Variants in ACP2 observed in about 807,000 individuals in gnomAD.
The protein encoded by ACP2 is acid phosphatase 2, lysosomal.
A neutral mutation model predicts 54.7 loss-of-function variants in ACP2; 35 were observed. That is an observed-to-expected ratio of 0.64 (90% CI 0.49 to 0.85). The LOEUF (loss-of-function observed/expected upper bound fraction) is 0.85, where lower values mean the gene tolerates loss of function less well. Ranked by LOEUF, ACP2 falls within the 40% of genes least tolerant of loss-of-function variation. ACP2 has a pLI of 0.00. For synonymous variants in ACP2, 210 were observed against 224.4 expected (o/e 0.94, Z 0.57); for missense variants, 492 against 565.0 (o/e 0.87, Z 1.31).
chr11:47,245,793 A>G lies in ACP2; in HGVS notation c.339T>C (p.Ser113=), dbSNP rs763439749. Residue 113 remains serine (S), a synonymous_variant, in exon 4 of 11, where the codon AGT becomes AGC. Coordinates refer to ENST00000672073, the MANE Select transcript of ACP2 (RefSeq NM_001610.4). ...AGAGTCCAGCCAGGTTGGCCTCAGC[A>G]CTCATGAGAGTCCGGTCAAAGTCTG... ...RSTDFDRTLM[S]AEANLAGLFP... is the part of the protein sequence containing the mutation. 14 of 1,600,934 alleles carry G rather than the reference A, an allele frequency of 8.7e-6. No individual in the cohort carries two copies. Among genetic ancestry groups the G allele is most frequent in the Non-Finnish European group, 1.2e-5 (14 of 1,174,394 alleles).
rs777123406 is a variant in ACP2 at position 47,240,185 on chromosome 11, G to A, written c.1203C>T (p.Thr401=). The change falls in exon 11 of 11, where the codon ACC becomes ACT. Residue 401 remains threonine (T), a synonymous_variant. Transcript: ENST00000672073. ...ILFLLIVLLL[T]VLFRMQAQPP... ...GCTGGGCCTGCATCCGGAAGAGGAC[G>A]GTGAGGAGCAGCACTATGAGGAGGA... 81 of 1,614,020 alleles carry A rather than the reference G, an allele frequency of 5.0e-5. No individual in the cohort carries two copies. Among genetic ancestry groups the A allele is most frequent in the South Asian group, 1.6e-4 (15 of 91,090 alleles).
In ACP2 at chr11:47,245,409, T is replaced by A. The variant is rs757842561; in HGVS notation, c.550-15A>T. 1 of 1,614,144 alleles carries A rather than the reference T, an allele frequency of 6.2e-7. No individual in the cohort carries two copies. The highest frequency in any genetic ancestry group is 8.5e-7 in the Non-Finnish European group (1 of 1,180,034). On this transcript the variant is annotated splice_polypyrimidine_tract_variant and intron_variant, in intron 5 of 10. Transcript: ENST00000672073. Reference sequence around the variant, plus strand: ...TCCAGAAATTGCTATGAAAAATGGATCAGGGTCTCAGTCCTGCTCTGGGGA... The same window carrying A: ...TCCAGAAATTGCTATGAAAAATGGAACAGGGTCTCAGTCCTGCTCTGGGGA...
chr11:47,248,205 C>T, intron 1 of ACP2, 72 bp from the exon 2 acceptor site: 2 of 1,428,074 alleles, frequency 1.4e-6, no homozygotes, highest in Admixed American at 2.3e-5. Flanking sequence ...CTACCTTTTG[C>T]CCCATGTTAG....
In ACP2 at chr11:47,243,290, C is replaced by T; in HGVS notation, c.804G>A (p.Leu268=). 1 of 1,614,192 alleles carries T rather than the reference C, an allele frequency of 6.2e-7. No individual in the cohort carries two copies. Among genetic ancestry groups the T allele is most frequent in the Non-Finnish European group, 8.5e-7 (1 of 1,180,032 alleles). The change falls in exon 8 of 11, where the codon CTG becomes CTA. Residue 268 remains leucine, a synonymous_variant. Transcript: ENST00000672073. The part of the protein sequence containing the change: ...GVLLAQIRKN[L]TLMATTSQLP... ...GCTGGGAGGTGGTCGCCATTAGGGT[C>T]AGGTTCTTCCTTATCTGAGCCAGCA...
Position 47,239,995 on chromosome 11 carries a change from G to T in ACP2, c.*121C>A. ...GAGCCCCACTCGCTCATCTGGCTGG[G>T]GTCATCAGAGGGAGGCCCAACCCAG... On this transcript the variant is annotated 3_prime_UTR_variant, in exon 11 of 11. Coordinates refer to ENST00000672073, the MANE Select transcript of ACP2 (RefSeq NM_001610.4). The T allele has an allele frequency of 9.3e-7, 1 of 1,069,586 alleles. No individual in the cohort carries two copies. Among genetic ancestry groups the T allele is most frequent in the Non-Finnish European group, 1.3e-6 (1 of 742,156 alleles). 66.3% of individuals were successfully genotyped at this position (1,069,586 alleles called of 1,614,324 possible).
Position 47,240,070 on chromosome 11 carries a change from C to T in ACP2, c.*46G>A. The T allele has an allele frequency of 6.3e-7, 1 of 1,587,526 alleles. No homozygotes were observed. On this transcript the variant is annotated 3_prime_UTR_variant, in exon 11 of 11. Coordinates refer to ENST00000672073, the MANE Select transcript of ACP2 (RefSeq NM_001610.4). ...GCAGCAACAGTCAGGAGCGAGGGCC[C>T]AGCCCACCTCCCCTAGGAGGTGGAG...
intron 1 of ACP2, 101 bp downstream of exon 1, chr11:47,248,575 C>T (rs535810231): frequency 6.4e-7 from 1 of 1,551,888 alleles, no homozygotes; most frequent in East Asian, 2.4e-5. Flanking sequence ...CAGTCGTCCC[C>T]TCCTAAACCA....
chr11:47,248,244 C>A (rs1288215921), intron 1 of ACP2, 111 bp from the exon 2 acceptor site: 3 of 1,189,602 alleles, frequency 2.5e-6, no homozygotes, highest in East Asian at 2.4e-5. Flanking sequence ...CTCTGGGAAG[C>A]CTACTGGCTG....
In ACP2 at chr11:47,248,034, C is replaced by A; in HGVS notation, c.210+4G>T. The A allele has an allele frequency of 6.3e-7, 1 of 1,590,488 alleles. No individual in the cohort carries two copies. On this transcript the variant is annotated splice_donor_region_variant and intron_variant, in intron 2 of 10. Transcript: ENST00000672073. ...TCCTGAGGAAAGGCTGGCTTCTGAC[C>A]CACCTTGGTTAACTGACCAAACCCC...
At chr11:47,242,464 C>T (rs968588199) in intron 10 of ACP2, among the ~76,000 whole-genome samples, 10 of 151,656 alleles carry the variant, frequency 6.6e-5, no homozygotes, top group African/African-American at 1.7e-4. Flanking sequence ...CCACCCTAAG[C>T]GGTGGCTTCC....
At chr11:47,242,069 G>A (rs916368185) in intron 10 of ACP2, among the ~76,000 whole-genome samples, 4 of 152,190 alleles carry the variant, frequency 2.6e-5, no homozygotes, top group Non-Finnish European at 4.4e-5. Flanking sequence ...AGGAAGGGAC[G>A]CCTGAAAGTC....
In ACP2 at chr11:47,244,747, G is replaced by A. The variant is rs778007533; in HGVS notation, c.760C>T (p.Arg254Trp). Residue 254 changes from arginine (R) to tryptophan (W), a missense_variant, in exon 7 of 11, where the codon CGG becomes TGG. Coordinates refer to ENST00000672073, the MANE Select transcript of ACP2 (RefSeq NM_001610.4). Reference sequence around the variant, plus strand: ...CCTTGTCACTCACCCCCCTGAAGCCGGGCCTTCTCCGCCTGCTGGTAGATT... The same window carrying A: ...CCTTGTCACTCACCCCCCTGAAGCCAGGCCTTCTCCGCCTGCTGGTAGATT... ...FGIYQQAEKA[R>W]LQGGVLLAQI... The A allele has an allele frequency of 6.2e-6, 10 of 1,607,728 alleles. No individual in the cohort carries two copies. The highest frequency in any genetic ancestry group is 2.2e-5 in the East Asian group (1 of 44,742).
intron 10 of ACP2, among the ~76,000 whole-genome samples, chr11:47,241,713 G>A (rs916459318): frequency 9.9e-5 from 15 of 152,140 alleles, no homozygotes; most frequent in Admixed American, 2.6e-4. Flanking sequence ...TATGAGAAAC[G>A]GTATGCAGAA....
chr11:47,245,260 T>C, intron 6 of ACP2, 45 bp downstream of exon 6: 1 of 1,597,168 alleles, frequency 6.3e-7, no homozygotes, highest in South Asian at 1.1e-5. Flanking sequence ...CTGGGCCTGC[T>C]GAGAGGGAAA....
intron 10 of ACP2, among the ~76,000 whole-genome samples, chr11:47,241,991 A>G (rs1953894032): frequency 6.6e-6 from 1 of 152,210 alleles, no homozygotes; most frequent in South Asian, 2.1e-4. Context: ...GCTGCATGAG[A>G]TCACTTGGGA....
rs766038775 is a variant in ACP2, at chr11:47,244,862, C to T, written c.645G>A (p.Thr215=). ...NVYDTLFCEQ[T]HGLRLPPWAS... ...CCCAGGGCGGCAGGCGCAGCCCGTG[C>T]GTTTGCTGTGTATCGCAGCAGGCAG... is the stretch of plus-strand genomic sequence containing the variant. Residue 215 remains threonine, a synonymous_variant, in exon 7 of 11, where the codon ACG becomes ACA. Coordinates refer to ENST00000672073, the MANE Select transcript of ACP2 (RefSeq NM_001610.4). 18 of 1,604,744 alleles carry T rather than the reference C, an allele frequency of 1.1e-5. No homozygotes were observed. The highest frequency in any genetic ancestry group is 1.4e-5 in the Non-Finnish European group (16 of 1,173,814).
chr11:47,247,753 G>T, intron 2 of ACP2, 26 bp from the exon 3 acceptor site: 2 of 1,607,384 alleles, frequency 1.2e-6, no homozygotes, highest in South Asian at 2.2e-5. Flanking sequence ...AGGGTTAAGA[G>T]GGTCTAGAGG....
Position 47,248,020 on chromosome 11 carries a change from G to A in ACP2, c.210+18C>T. On this transcript the variant is annotated intron_variant, in intron 2 of 10. Transcript: ENST00000672073. ...CATTCTGCAGCTCATCCTGAGGAAAGGCTGGCTTCTGACCCACCTTGGTTA... is the reference window on the plus strand; with the variant it reads ...CATTCTGCAGCTCATCCTGAGGAAAAGCTGGCTTCTGACCCACCTTGGTTA... The A allele has an allele frequency of 6.4e-7, 1 of 1,570,986 alleles. No homozygotes were observed.
chr11:47,245,398 T>A lies in ACP2; in HGVS notation c.550-4A>T. 6.2e-7 allele frequency: 1 copy of A among 1,614,126 alleles called. No homozygotes were observed. ...TGGCCACCATGTCCAGAAATTGCTA[T>A]GAAAAATGGATCAGGGTCTCAGTCC... On this transcript the variant is annotated splice_region_variant and splice_polypyrimidine_tract_variant and intron_variant, in intron 5 of 10. Transcript: ENST00000672073.
Sources: gnomAD v4.1 joint callset for allele counts (sites outside exome capture counted in the v4.1 genomes callset) on GRCh38, gnomAD v4.1.1 for gene constraint, MANE v1.5 for transcripts, NCBI Gene and HGNC (gene_info 2026-07-23, HGNC 2026-07-21) for gene names.